AMHR2: variants seen among roughly 807,000 people sequenced by gnomAD.
AMHR2 encodes the protein anti-Mullerian hormone receptor type 2.
Under a neutral mutation model 61.4 loss-of-function variants are expected in AMHR2, and 36 were observed. That is an observed-to-expected ratio of 0.59 (90% confidence interval 0.45 to 0.77). The LOEUF is 0.77. Among genes scored for constraint, AMHR2 ranks in the 30% least tolerant of loss-of-function variants. The pLI, the probability that AMHR2 is intolerant of heterozygous loss-of-function variation, is 0.00. For missense variants in AMHR2, 638 were observed against 714.6 expected (o/e 0.89, Z 1.22); for synonymous variants, 258 against 279.4 (o/e 0.92, Z 0.76).
At position 53,429,764 on chromosome 12, in the gene AMHR2, A is replaced by T. The variant is rs527341740; in HGVS notation, c.1141-67A>T. 10 of 1,610,836 alleles carry T rather than the reference A, an allele frequency of 6.2e-6. No homozygotes were observed. The Admixed American group carries it at 1.5e-4, about 24-fold the overall frequency. ...GAGTCTGTAGTTGGGGGGATATTGC[A>T]TGGACCATTGCTGCAATGAGGATTG... On this transcript the variant is annotated intron_variant, in intron 8 of 10. Transcript: ENST00000257863.
intron 10 of AMHR2, chr12:53,430,848 T>C (rs1464724729): frequency 6.7e-6 from 3 of 447,072 alleles, no homozygotes; most frequent in Non-Finnish European, 1.2e-5. Flanking sequence ...AAGTCTTAGG[T>C]TGGCTGACAG....
At chr12:53,428,421 A>G (rs956756009) in intron 6 of AMHR2, among the ~76,000 whole-genome samples, 1 of 152,126 alleles carries the variant, frequency 6.6e-6, no homozygotes, top group African/African-American at 2.4e-5. Flanking sequence ...GCCCCTGACT[A>G]GCTTGCCCTG....
intron 4 of AMHR2, 24 bp downstream of exon 4, chr12:53,425,266 C>T: frequency 1.2e-6 from 2 of 1,612,428 alleles, no homozygotes; most frequent in South Asian, 2.2e-5. Flanking sequence ...CCATCCCTCC[C>T]TTGTGACCCC....
intron 7 of AMHR2, 136 bp from the exon 8 acceptor site, chr12:53,429,317 G>A (rs1314381583): frequency 4.5e-5 from 42 of 936,532 alleles, no homozygotes; most frequent in South Asian, 2.2e-4. Context: ...ACTTGAACCC[G>A]GGAGGCGGAG....
At chr12:53,428,073 C>G (rs924011619) in intron 6 of AMHR2, among the ~76,000 whole-genome samples, 1 of 152,202 alleles carries the variant, frequency 6.6e-6, no homozygotes, top group Non-Finnish European at 1.5e-5. Flanking sequence ...TACCTCCTGG[C>G]CCAGCTCAAA....
intron 10 of AMHR2, chr12:53,430,817 G>C: frequency 2.4e-6 from 1 of 408,390 alleles, no homozygotes; most frequent in Non-Finnish European, 4.6e-6. Flanking sequence ...TTCTGTACCT[G>C]ATCTGAAATT....
chr12:53,430,567 C>G, intron 10 of AMHR2: 1 of 521,344 alleles, frequency 1.9e-6, no homozygotes, highest in Non-Finnish European at 3.5e-6. Context: ...AGCCCTGTTC[C>G]TCAGTCCCCT....
intron 6 of AMHR2, among the ~76,000 whole-genome samples, chr12:53,427,509 A>G (rs1046817437): frequency 6.6e-6 from 1 of 152,120 alleles, no homozygotes; most frequent in East Asian, 1.9e-4. Context: ...GGTTTCAAGC[A>G]ATTCTGCCTC....
intron 1 of AMHR2, 75 bp from the exon 2 acceptor site, chr12:53,424,213 A>C: frequency 1.3e-6 from 2 of 1,568,892 alleles, no homozygotes; most frequent in Non-Finnish European, 1.8e-6. Flanking sequence ...TGTTTTGTCT[A>C]TTCTTTTGGC....
At chr12:53,424,125 G>T in intron 1 of AMHR2, 142 bp downstream of exon 1, 1 of 1,311,994 alleles carries the variant, frequency 7.6e-7, no homozygotes, top group Non-Finnish European at 1.1e-6. Context: ...TGTCCCCATG[G>T]CAGGGCTCAG....
chr12:53,429,836 C>T lies in AMHR2; in HGVS notation c.1146C>T (p.Gly382=). The change falls in exon 9 of 11, where the codon GGC becomes GGT. Residue 382 remains glycine (G), a synonymous_variant. Coordinates refer to ENST00000257863, the MANE Select transcript of AMHR2 (RefSeq NM_020547.3). ...PQGPAAIMEA[G]TQRYMAPELL... is the part of the protein sequence containing the mutation. Reference sequence around the variant, plus strand: ...CTTCGTGCCTTGCTCTCCAGGCTGGCACCCAGAGGTACATGGCACCAGAGC... The same window carrying T: ...CTTCGTGCCTTGCTCTCCAGGCTGGTACCCAGAGGTACATGGCACCAGAGC... 6.2e-7 allele frequency: 1 copy of T among 1,614,190 alleles called. No homozygotes were observed. The highest frequency in any genetic ancestry group is 1.1e-5 in the South Asian group (1 of 91,086).
chr12:53,424,494 G>C, intron 2 of AMHR2, 24 bp downstream of exon 2: 1 of 1,608,388 alleles, frequency 6.2e-7, no homozygotes, highest in Non-Finnish European at 8.5e-7. Flanking sequence ...TATATGGCAG[G>C]TGATGGCTAG....
At position 53,431,352 on chromosome 12, in the gene AMHR2, C is replaced by T; in HGVS notation, c.1601C>T (p.Thr534Ile). Residue 534 changes from threonine (T) to isoleucine (I), a missense_variant, in exon 11 of 11, where the codon ACT becomes ATT. Physicochemically the swap from Thr to Ile is moderately conservative, Grantham distance 89. Transcript: ENST00000257863. ...CCACCTCTCTGCCCAGAAGACTGTA[C>T]TTCAATTCCTGCCCCTACCATCCTC... ...GCPPLCPEDCTSIPAPTILPC... is the reference protein window; with the variant it reads ...GCPPLCPEDCISIPAPTILPC... 2 of 1,614,244 alleles carry T rather than the reference C, an allele frequency of 1.2e-6. No homozygotes were observed. Among genetic ancestry groups the T allele is most frequent in the Non-Finnish European group, 8.5e-7 (1 of 1,180,044 alleles).
chr12:53,425,860 C>A lies in AMHR2; in HGVS notation c.793C>A (p.Arg265=), dbSNP rs369599312. 6.2e-7 allele frequency: 1 copy of A among 1,613,734 alleles called. No homozygotes were observed. The change falls in exon 6 of 11, where the codon CGG becomes AGG. Residue 265 remains arginine (R), a synonymous_variant. Transcript: ENST00000257863. ...CATTGTCCGATTTATCACTGCCAGCCGGGGGGGTCCTGGCCGCCTGCTCTC... is the reference window on the plus strand; with the variant it reads ...CATTGTCCGATTTATCACTGCCAGCAGGGGGGGTCCTGGCCGCCTGCTCTC... ...DHIVRFITAS[R]GGPGRLLSGP... is the part of the protein sequence containing the mutation.
chr12:53,424,203 T>G, intron 1 of AMHR2, 85 bp from the exon 2 acceptor site: 4 of 1,541,970 alleles, frequency 2.6e-6, no homozygotes, highest in Non-Finnish European at 1.8e-6. Context: ...ATGTGGAACA[T>G]GTTTTGTCTA....
Position 53,431,173 on chromosome 12 carries a change from C to T in AMHR2, c.1426-4C>T. ...CAACCCTTCCTCCCTGTCATTCCCCCCAGGACCCTGATGGGCTGAGGGAGC... is the reference window on the plus strand; with the variant it reads ...CAACCCTTCCTCCCTGTCATTCCCCTCAGGACCCTGATGGGCTGAGGGAGC... On this transcript the variant is annotated splice_polypyrimidine_tract_variant and splice_region_variant and intron_variant, in intron 10 of 10. Coordinates refer to ENST00000257863, the MANE Select transcript of AMHR2 (RefSeq NM_020547.3). The T allele has an allele frequency of 5.6e-6, 9 of 1,614,040 alleles. No homozygotes were observed. The highest frequency in any genetic ancestry group is 1.7e-5 in the Admixed American group (1 of 60,024).
In AMHR2 at chr12:53,424,326, C is replaced by T. The variant is rs746368425; in HGVS notation, c.88C>T (p.Pro30Ser). The stretch of plus-strand genomic sequence containing the variant: ...GCGAACCTGTGTGTTCTTTGAGGCC[C>T]CTGGAGTGCGGGGAAGCACAAAGAC... ...NRRTCVFFEA[P>S]GVRGSTKTLG... Residue 30 changes from proline to serine, a missense_variant, in exon 2 of 11, where the codon CCT (proline) becomes TCT (serine). Pro to Ser is a moderately conservative substitution (Grantham distance 74). Coordinates refer to ENST00000257863, the MANE Select transcript of AMHR2 (RefSeq NM_020547.3). 3.4e-5 allele frequency: 55 copies of T among 1,612,818 alleles called. No individual in the cohort carries two copies. The highest frequency in any genetic ancestry group is 4.3e-5 in the Non-Finnish European group (51 of 1,180,042).
intron 4 of AMHR2, 77 bp downstream of exon 4, chr12:53,425,319 T>TGACCAA: frequency 1.2e-5 from 19 of 1,607,862 alleles, no homozygotes; most frequent in Non-Finnish European, 1.5e-5. Flanking sequence ...CAGGCACCCC[T>TGACCAA]GACCCCATGG....
Position 53,431,262 on chromosome 12 carries a change from G to C in AMHR2, c.1511G>C (p.Arg504Pro). ...CTGACAGCTGAGTGTGTACAGCAGC[G>C]CCTGGCTGCCTTGGCCCATCCTCAA... is the stretch of plus-strand genomic sequence containing the variant. ...ARLTAECVQQ[R>P]LAALAHPQES... The change falls in exon 11 of 11, where the codon CGC (arginine) becomes CCC (proline). Residue 504 changes from arginine (R) to proline (P), a missense_variant. Transcript: ENST00000257863. 3 of 1,614,206 alleles carry C rather than the reference G, an allele frequency of 1.9e-6. No homozygotes were observed. The highest frequency in any genetic ancestry group is 2.5e-6 in the Non-Finnish European group (3 of 1,180,042).
Sources: gnomAD v4.1 joint callset for allele counts (sites outside exome capture counted in the v4.1 genomes callset) on GRCh38, gnomAD v4.1.1 for gene constraint, MANE v1.5 for transcripts, NCBI Gene and HGNC (gene_info 2026-07-23, HGNC 2026-07-21) for gene names.